IMMP2L: variants seen among roughly 807,000 people sequenced by gnomAD.
IMMP2L encodes the protein mitochondrial inner membrane protease subunit 2.
IMMP2L carries 18 observed loss-of-function variants against 19.3 expected under a neutral mutation model. The ratio of observed to expected loss-of-function variants is 0.93; its 90% CI spans 0.64 to 1.38. The LOEUF (loss-of-function observed/expected upper bound fraction) is 1.38. Among genes scored for constraint, IMMP2L ranks in the 40% most tolerant of loss-of-function variants. IMMP2L has a pLI of 0.00. For synonymous variants in IMMP2L, 76 were observed against 73.0 expected (o/e 1.04, Z -0.21); for missense variants, 233 against 218.2 (o/e 1.07, Z -0.43).
chr7:111,385,039 T>C (rs929682689), intron 3 of IMMP2L, among the ~76,000 whole-genome samples: 5 of 152,190 alleles, frequency 3.3e-5, no homozygotes, highest in African/African-American at 4.8e-5. Flanking sequence ...AATGCCTATT[T>C]TGTGCAATGC....
chr7:110,803,638 G>A lies in IMMP2L; in HGVS notation c.408+82955C>T, dbSNP rs1252717089. Among the ~76,000 whole-genome samples the A allele has an allele frequency of 1.3e-5, 2 of 151,964 alleles. No individual in the cohort carries two copies. The highest frequency in any genetic ancestry group is 1.5e-5 in the Non-Finnish European group (1 of 67,956). On this transcript the variant is annotated intron_variant, in intron 5 of 5. Transcript: ENST00000405709. The surrounding 1 kb of genome is among the most constrained non-coding windows in gnomAD (Gnocchi z 4.2). ...CTGCTGTGGTTAGTCATTGGATGGG[G>A]GGAGCTCCAGAAATGGGAGTGACCT...
chr7:111,078,721 TTTTA>T (rs200837271), intron 3 of IMMP2L, among the ~76,000 whole-genome samples: 44 of 151,710 alleles, frequency 2.9e-4, no homozygotes, highest in Non-Finnish European at 5.0e-4. Flanking sequence ...TATTTTTTAT[TTTTA>T]TTTATTTATT....
chr7:111,256,215 C>G (rs1159984068), intron 3 of IMMP2L, among the ~76,000 whole-genome samples: 1 of 151,926 alleles, frequency 6.6e-6, no homozygotes, highest in African/African-American at 2.4e-5. Context: ...TTTATTCATA[C>G]AAAAACATTT....
intron 3 of IMMP2L, among the ~76,000 whole-genome samples, chr7:111,355,803 T>G (rs1225168236): frequency 1.3e-5 from 2 of 151,986 alleles, no homozygotes; most frequent in African/African-American, 2.4e-5. Context: ...TTGATTTTGC[T>G]TCATATTTCA....
rs142882503 is a variant in IMMP2L, at chr7:111,334,181, T to TTA, written c.239+153055_239+153056dup. On this transcript the variant is annotated intron_variant, in intron 3 of 5. Transcript: ENST00000405709. ...ATAATTTGGTGGTAATAAATACATA[T>TTA]TATATATATATATATTTCCCCCCTT... Among the ~76,000 whole-genome samples, 337 of 150,446 alleles carry TTA rather than the reference T, an allele frequency of 2.2e-3. 2 individuals are homozygous for TTA. The highest frequency in any genetic ancestry group is 7.0e-3 in the African/African-American group (288 of 41,202).
chr7:110,842,050 G>T (rs150483374), intron 5 of IMMP2L, among the ~76,000 whole-genome samples: 2 of 152,008 alleles, frequency 1.3e-5, no homozygotes, highest in African/African-American at 4.8e-5. Flanking sequence ...TGTAAAATGG[G>T]GCAGAAACAC....
chr7:111,463,841 C>T (rs544018384), intron 3 of IMMP2L, among the ~76,000 whole-genome samples: 3 of 152,310 alleles, frequency 2.0e-5, no homozygotes, highest in Non-Finnish European at 4.4e-5. Flanking sequence ...AAGGCCCTAT[C>T]TGGTACACAG....
intron 1 of IMMP2L, among the ~76,000 whole-genome samples, chr7:111,548,677 T>C (rs1375427366): frequency 6.6e-6 from 1 of 152,128 alleles, no homozygotes; most frequent in Non-Finnish European, 1.5e-5. Flanking sequence ...ATCATGTCAC[T>C]TACCATTTTT....
chr7:110,934,513 T>C (rs956759590), intron 4 of IMMP2L, among the ~76,000 whole-genome samples: 1 of 152,182 alleles, frequency 6.6e-6, no homozygotes, highest in Non-Finnish European at 1.5e-5. Context: ...CTGGATCTGA[T>C]CCCAGAGACT....
chr7:110,860,367 T>A (rs1807271375), intron 5 of IMMP2L, among the ~76,000 whole-genome samples: 1 of 152,160 alleles, frequency 6.6e-6, no homozygotes, highest in South Asian at 2.1e-4. Flanking sequence ...CTGTATGTAG[T>A]ACATTCTTGG....
intron 5 of IMMP2L, among the ~76,000 whole-genome samples, chr7:110,821,182 T>C (rs1235273670): frequency 1.3e-5 from 2 of 152,104 alleles, no homozygotes; most frequent in Non-Finnish European, 2.9e-5. Flanking sequence ...GTAGATACTC[T>C]GATTATTTCT....
At chr7:110,993,954 C>G (rs1822755307) in intron 3 of IMMP2L, among the ~76,000 whole-genome samples, 1 of 151,920 alleles carries the variant, frequency 6.6e-6, no homozygotes, top group African/African-American at 2.4e-5. Context: ...TCATGCCTGT[C>G]TTGTCTCTGC....
chr7:110,807,331 G>A (rs1413875971), intron 5 of IMMP2L, among the ~76,000 whole-genome samples: 2 of 151,794 alleles, frequency 1.3e-5, no homozygotes, highest in East Asian at 3.9e-4. Flanking sequence ...CATTTCTTTG[G>A]CCATTAAAAA....
At chr7:111,547,132 A>C (rs958948420) in intron 1 of IMMP2L, among the ~76,000 whole-genome samples, 1 of 152,220 alleles carries the variant, frequency 6.6e-6, no homozygotes, top group Non-Finnish European at 1.5e-5. Flanking sequence ...TACAAAGACC[A>C]CTGACTGCAA....
chr7:110,918,067 A>C (rs1813824971), intron 4 of IMMP2L, among the ~76,000 whole-genome samples: 1 of 152,202 alleles, frequency 6.6e-6, no homozygotes, highest in Non-Finnish European at 1.5e-5. Flanking sequence ...GAGTAAATGA[A>C]ATTAATGAAA....
At chr7:111,495,915 C>T (rs1843551977) in intron 2 of IMMP2L, among the ~76,000 whole-genome samples, 1 of 152,096 alleles carries the variant, frequency 6.6e-6, no homozygotes, top group Non-Finnish European at 1.5e-5. Flanking sequence ...AAACTTTGTG[C>T]TTTTAAGTGA....
chr7:110,976,948 T>C (rs946628085), intron 3 of IMMP2L, among the ~76,000 whole-genome samples: 7 of 152,012 alleles, frequency 4.6e-5, no homozygotes, highest in African/African-American at 1.7e-4. Context: ...CCATATTTAA[T>C]ATAAACCTGG....
At chr7:111,432,705 G>A (rs935550463) in intron 3 of IMMP2L, among the ~76,000 whole-genome samples, 1 of 151,378 alleles carries the variant, frequency 6.6e-6, no homozygotes, top group Non-Finnish European at 1.5e-5. Flanking sequence ...CATACTGGAA[G>A]TTCTCACTAG....
intron 3 of IMMP2L, among the ~76,000 whole-genome samples, chr7:111,168,527 G>A (rs1416260583): frequency 1.3e-5 from 2 of 151,580 alleles, no homozygotes; most frequent in African/African-American, 4.8e-5. Flanking sequence ...TATTTTTTGG[G>A]GGCAAATATA....
Sources: allele counts gnomAD v4.1 joint callset (sites outside exome capture counted in the v4.1 genomes callset), GRCh38; gene constraint gnomAD v4.1.1; non-coding constraint Gnocchi (gnomAD v3.1); transcripts MANE v1.5; gene names NCBI Gene and HGNC (gene_info 2026-07-23, HGNC 2026-07-21).